Variants in OTOGL observed in about 807,000 individuals in gnomAD.
OTOGL encodes the protein otogelin-like protein.
OTOGL carries 285 observed loss-of-function variants against 318.5 expected under a neutral mutation model. The ratio of observed to expected loss-of-function variants is 0.89; its 90% confidence interval spans 0.81 to 0.99. The LOEUF (loss-of-function observed/expected upper bound fraction) is 0.99. OTOGL is among the 50% of genes least tolerant of loss of function. The pLI, the probability that OTOGL is intolerant of heterozygous loss-of-function variation, is 0.00. For synonymous variants in OTOGL, 987 were observed against 936.5 expected (o/e 1.05, Z -0.99); for missense variants, 2,899 against 2,845.6 (o/e 1.02, Z -0.43).
rs180825964 is a variant in OTOGL at position 80,374,275 on chromosome 12, C to T, written c.6781+2211C>T. On this transcript the variant is annotated intron_variant, in intron 57 of 58. Transcript: ENST00000547103. Reference sequence around the variant, plus strand: ...TCTAACTCCAGATTTCCACTTTTTACATGAACACCAGTAATATTGAATTAG... The same window carrying T: ...TCTAACTCCAGATTTCCACTTTTTATATGAACACCAGTAATATTGAATTAG... Among the ~76,000 whole-genome samples, 585 of 152,176 alleles carry T rather than the reference C, an allele frequency of 3.8e-3. 1 individual carries two copies. The highest frequency in any genetic ancestry group is 6.3e-3 in the Non-Finnish European group (426 of 68,002).
chr12:80,304,975 T>C (rs182854946), intron 28 of OTOGL, among the ~76,000 whole-genome samples: 65 of 152,324 alleles, frequency 4.3e-4, no homozygotes, highest in African/African-American at 1.5e-3. Flanking sequence ...ATGGGACCTC[T>C]GTTTTCAGAA....
rs747117250 is a variant in OTOGL, at chr12:80,353,507, T to C, written c.5590T>C (p.Cys1864Arg). The change falls in exon 46 of 59, where the codon TGT (cysteine) becomes CGT (arginine). Residue 1864 changes from cysteine (C) to arginine (R), a missense_variant. By Grantham distance (180) the Cys-to-Arg change is radical. Around this residue, in one of 3 missense-constraint regions of OTOGL, gnomAD observed 2,607 missense variants for 2,524.9 expected, o/e 1.03. Coordinates refer to ENST00000547103, the MANE Select transcript of OTOGL (RefSeq NM_001378609.3). ...AGCCCAGTGCATTCCAGAGAAAGAG[T>C]GTGGTAAGACACAAAGTACAAAATG... ...HSAQCIPEKE[C>R]ACTDSEDQPR... 1 of 1,548,366 alleles carries C rather than the reference T, an allele frequency of 6.5e-7. No individual in the cohort carries two copies. Among genetic ancestry groups the C allele is most frequent in the Middle Eastern group, 1.7e-4 (1 of 5,826 alleles).
At position 80,136,988 on chromosome 12, in the gene OTOGL, A is replaced by G. The variant is rs372321693; in HGVS notation, c.-20+37383A>G. Among the ~76,000 whole-genome samples the G allele has an allele frequency of 9.2e-5, 14 of 152,294 alleles. No individual in the cohort carries two copies. The East Asian group carries it at 2.1e-3, about 23-fold the overall frequency. Reference sequence around the variant, plus strand: ...ACTTAGCACATGATAGTGTTAAATAAGTGTTTGTTGGCTGGATTAATGCTG... The same window carrying G: ...ACTTAGCACATGATAGTGTTAAATAGGTGTTTGTTGGCTGGATTAATGCTG... On this transcript the variant is annotated intron_variant, in intron 1 of 58. Transcript: ENST00000547103.
chr12:80,133,658 T>G (rs1338161867), intron 1 of OTOGL: 1 of 151,538 alleles, frequency 6.6e-6, no homozygotes, highest in Non-Finnish European at 1.5e-5. Context: ...AAATGTGTGA[T>G]CAAGAAAAAA....
intron 1 of OTOGL, chr12:80,102,818 A>G (rs1869218665): frequency 1.6e-6 from 1 of 642,512 alleles, no homozygotes; most frequent in Non-Finnish European, 2.7e-6. Flanking sequence ...CCAACTCTTT[A>G]CTCTCGGAGC....
rs906533696 is a variant in OTOGL at position 80,379,779 on chromosome 12, C to T, written c.*1731C>T. On this transcript the variant is annotated 3_prime_UTR_variant, in exon 59 of 59. Coordinates refer to ENST00000547103, the MANE Select transcript of OTOGL (RefSeq NM_001378609.3). ...TTTGTGGAGAAATGGGAAACATTCT[C>T]CTAGAACTTTATAAACATTCAACAA... 2 of 151,856 alleles carry T rather than the reference C, an allele frequency of 1.3e-5. No homozygotes were observed. The highest frequency in any genetic ancestry group is 4.8e-5 in the African/African-American group (2 of 41,388). 9.4% of individuals were successfully genotyped at this position (151,856 alleles called of 1,614,324 possible).
At chr12:80,317,998 A>G (rs761620545) in intron 32 of OTOGL, among the ~76,000 whole-genome samples, 2 of 152,138 alleles carry the variant, frequency 1.3e-5, no homozygotes, top group Non-Finnish European at 2.9e-5. Flanking sequence ...ATGATGGGTC[A>G]GTGAGGAGAT....
At chr12:80,376,722 G>T (rs1322983260) in intron 57 of OTOGL, among the ~76,000 whole-genome samples, 2 of 151,954 alleles carry the variant, frequency 1.3e-5, no homozygotes, top group Non-Finnish European at 2.9e-5. Context: ...ATGTATATAT[G>T]TAGTTATGCA....
chr12:80,279,065 C>T lies in OTOGL; in HGVS notation c.2827C>T (p.Pro943Ser), dbSNP rs1421669287. 1 of 1,458,038 alleles carries T rather than the reference C, an allele frequency of 6.9e-7. No individual in the cohort carries two copies. The highest frequency in any genetic ancestry group is 1.4e-5 in the African/African-American group (1 of 69,528). 90.3% of individuals were successfully genotyped at this position (1,458,038 alleles called of 1,614,324 possible). Residue 943 changes from proline (P) to serine (S), a missense_variant, in exon 26 of 59, where the codon CCA (proline) becomes TCA (serine). Pro to Ser is a moderately conservative substitution (Grantham distance 74). Around this residue, in one of 3 missense-constraint regions of OTOGL, gnomAD observed 2,607 missense variants for 2,524.9 expected, o/e 1.03. Coordinates refer to ENST00000547103, the MANE Select transcript of OTOGL (RefSeq NM_001378609.3). ...RRGMFNCTYYPCPAVCTIYGD... is the reference protein window; with the variant it reads ...RRGMFNCTYYSCPAVCTIYGD... ...AGGAATGTTCAATTGCACATATTATCCATGCCCAGCAGTGTGCACAATATA... is the reference window on the plus strand; with the variant it reads ...AGGAATGTTCAATTGCACATATTATTCATGCCCAGCAGTGTGCACAATATA...
chr12:80,118,079 A>T (rs996419099), intron 1 of OTOGL, among the ~76,000 whole-genome samples: 9 of 151,942 alleles, frequency 5.9e-5, no homozygotes, highest in African/African-American at 2.2e-4. Context: ...ACTATTTTTT[A>T]CCTTCCCTTA....
chr12:80,172,624 T>C (rs1362733335), intron 1 of OTOGL, among the ~76,000 whole-genome samples: 1 of 152,014 alleles, frequency 6.6e-6, no homozygotes, highest in Admixed American at 6.6e-5. Context: ...TTTCCTATCT[T>C]ATGTTTTCTA....
At chr12:80,158,123 A>G (rs546492018) in intron 1 of OTOGL, among the ~76,000 whole-genome samples, 17 of 152,286 alleles carry the variant, frequency 1.1e-4, no homozygotes, top group African/African-American at 2.9e-4. Context: ...TAAAATCTAT[A>G]AAGCTCAGAA....
chr12:80,105,991 T>C (rs140930851), intron 1 of OTOGL, among the ~76,000 whole-genome samples: 2 of 152,324 alleles, frequency 1.3e-5, no homozygotes, highest in African/African-American at 4.8e-5. Context: ...TGTTCAGATT[T>C]AATTGTGAGA....
At chr12:80,251,501 TG>T (rs1881542333) in intron 11 of OTOGL, among the ~76,000 whole-genome samples, 191 bp from the exon 12 acceptor site, 1 of 152,194 alleles carries the variant, frequency 6.6e-6, no homozygotes, top group Non-Finnish European at 1.5e-5. Flanking sequence ...CCTAATTAGC[TG>T]GGGACCCATG....
At chr12:80,374,850 C>T (rs2138114942) in intron 57 of OTOGL, among the ~76,000 whole-genome samples, 1 of 152,218 alleles carries the variant, frequency 6.6e-6, no homozygotes, top group Middle Eastern at 3.4e-3. Context: ...GCCTGCCACA[C>T]ACTGACACTC....
intron 18 of OTOGL, among the ~76,000 whole-genome samples, chr12:80,259,983 A>G (rs1038675465): frequency 3.9e-5 from 6 of 152,062 alleles, no homozygotes; most frequent in Non-Finnish European, 8.8e-5. Flanking sequence ...CTGACAATGC[A>G]TTATCTATGA....
chr12:80,128,134 A>G lies in OTOGL; in HGVS notation c.-20+28529A>G, dbSNP rs192665759. On this transcript the variant is annotated intron_variant, in intron 1 of 58. Transcript: ENST00000547103. Reference sequence around the variant, plus strand: ...AGGAGCTCTGATTTTTAGAATTTTCAGTTTTTCTGCTCTGTTTTTTCCCCA... The same window carrying G: ...AGGAGCTCTGATTTTTAGAATTTTCGGTTTTTCTGCTCTGTTTTTTCCCCA... 6.8e-3 allele frequency among the ~76,000 whole-genome samples: 1,039 copies of G among 152,138 alleles called. 19 individuals are homozygous for G. Among genetic ancestry groups the G allele is most frequent in the African/African-American group, 0.024 (1,000 of 41,510 alleles).
intron 38 of OTOGL, among the ~76,000 whole-genome samples, chr12:80,333,580 T>C (rs1381039435): frequency 6.6e-6 from 1 of 152,114 alleles, no homozygotes; most frequent in Non-Finnish European, 1.5e-5. Flanking sequence ...CCAGGCACTA[T>C]TCAGATCCTA....
At chr12:80,200,524 C>T (rs1241814638) in intron 1 of OTOGL, among the ~76,000 whole-genome samples, 1 of 152,212 alleles carries the variant, frequency 6.6e-6, no homozygotes, top group Non-Finnish European at 1.5e-5. Flanking sequence ...ATCCAAGACT[C>T]CTTGAGCCCT....
Sources: gnomAD v4.1 joint callset for allele counts (sites outside exome capture counted in the v4.1 genomes callset) on GRCh38, gnomAD v4.1.1 for gene constraint, gnomAD v4.1.1 regional missense constraint, MANE v1.5 for transcripts, NCBI Gene and HGNC (gene_info 2026-07-23, HGNC 2026-07-21) for gene names.